RBFOX1: variants seen among roughly 807,000 people sequenced by gnomAD.
RBFOX1 encodes RNA binding fox-1 homolog 1.
Under a neutral mutation model 57.7 loss-of-function variants are expected in RBFOX1, and 8 were observed. That is an observed-to-expected ratio of 0.14 (90% CI 0.08 to 0.25). RBFOX1 has a LOEUF of 0.25. Ranked by LOEUF, RBFOX1 falls within the 10% of genes least tolerant of loss-of-function variation. The probability of loss-of-function intolerance (pLI) is 1.00; values close to 1 mark genes in which losing one functional copy is unlikely to be tolerated. For missense variants in RBFOX1, 611 were observed against 548.5 expected (o/e 1.11, Z -1.14); for synonymous variants, 326 against 222.4 (o/e 1.47, Z -4.15).
At chr16:7,584,676 A>C (rs901676800) in intron 6 of RBFOX1, among the ~76,000 whole-genome samples, 1 of 152,244 alleles carries the variant, frequency 6.6e-6, no homozygotes, top group Non-Finnish European at 1.5e-5. Context: ...ATGTTGAGCA[A>C]ACAAATGCTA....
chr16:6,242,232 A>C (rs61389090), intron 1 of RBFOX1, among the ~76,000 whole-genome samples: 23,549 of 151,976 alleles, frequency 0.15, 1,940 homozygotes, highest in Middle Eastern at 0.27. Flanking sequence ...CATTCTCTCT[A>C]TATATAAGTA....
chr16:5,871,728 G>T (rs1000458149), intron 4 of RBFOX1, among the ~76,000 whole-genome samples: 1 of 149,690 alleles, frequency 6.7e-6, no homozygotes, highest in Non-Finnish European at 1.5e-5. Flanking sequence ...GATGTTTGAG[G>T]AAAAAAAAAA....
chr16:7,532,805 T>C (rs1375843790), intron 5 of RBFOX1, among the ~76,000 whole-genome samples: 1 of 152,202 alleles, frequency 6.6e-6, no homozygotes, highest in African/African-American at 2.4e-5. Flanking sequence ...TGAGTAATTG[T>C]GACAGAGCTC....
At chr16:6,828,902 C>T (rs1290494767) in intron 3 of RBFOX1, among the ~76,000 whole-genome samples, 1 of 152,072 alleles carries the variant, frequency 6.6e-6, no homozygotes, top group African/African-American at 2.4e-5. Flanking sequence ...AGGTAGCAGC[C>T]CCAAATCCCC....
At chr16:7,545,633 A>C (rs1260062575) in intron 5 of RBFOX1, among the ~76,000 whole-genome samples, 1 of 152,126 alleles carries the variant, frequency 6.6e-6, no homozygotes, top group Non-Finnish European at 1.5e-5. Flanking sequence ...CTGACCCAGT[A>C]CGTTTAGAAT....
rs369470056 is a variant in RBFOX1 at position 6,245,250 on chromosome 16, A to T, written c.-126-71745A>T. Among the ~76,000 whole-genome samples the T allele has an allele frequency of 3.0e-4, 45 of 152,024 alleles. 1 individual carries two copies. The highest frequency in any genetic ancestry group is 1.0e-3 in the African/African-American group (42 of 41,466). ...ATATAAGCAGAAATGATGGCTTTAA[A>T]TTTTTTTTCTTATTTGCGCTTTCTT... On this transcript the variant is annotated intron_variant, in intron 1 of 15. Transcript: ENST00000550418.
At chr16:5,313,476 AT>A in intron 1 of RBFOX1, among the ~76,000 whole-genome samples, 1 of 152,276 alleles carries the variant, frequency 6.6e-6, no homozygotes, top group South Asian at 2.1e-4. Flanking sequence ...GACCTCCTTA[AT>A]CTGGGACCCA....
At chr16:5,834,687 G>GTAGTTAGA in intron 3 of RBFOX1, among the ~76,000 whole-genome samples, 1 of 134,866 alleles carries the variant, frequency 7.4e-6, no homozygotes, top group African/African-American at 3.2e-5. Context: ...AATGGGATAG[G>GTAGTTAGA]TAGATAGATA....
chr16:6,927,311 G>T (rs2075765100), intron 3 of RBFOX1, among the ~76,000 whole-genome samples: 1 of 149,916 alleles, frequency 6.7e-6, no homozygotes, highest in South Asian at 2.1e-4. Context: ...TACTTGGGAG[G>T]TTGAGGCACG....
At chr16:6,446,358 G>A (rs1302525296) in intron 2 of RBFOX1, among the ~76,000 whole-genome samples, 1 of 152,096 alleles carries the variant, frequency 6.6e-6, no homozygotes, top group Non-Finnish European at 1.5e-5. Context: ...AAAGTTTTAA[G>A]ATTCCCATTG....
chr16:7,097,013 C>G (rs1430171069), intron 4 of RBFOX1, among the ~76,000 whole-genome samples: 1 of 149,224 alleles, frequency 6.7e-6, no homozygotes, highest in Non-Finnish European at 1.5e-5. Flanking sequence ...TACCAGAAAG[C>G]GAAATGAATC....
intron 4 of RBFOX1, among the ~76,000 whole-genome samples, chr16:7,437,788 C>T (rs1393555965): frequency 1.3e-5 from 2 of 151,050 alleles, no homozygotes; most frequent in Non-Finnish European, 2.9e-5. Flanking sequence ...TTGTGGAAGG[C>T]AAACGAATAC....
intron 3 of RBFOX1, among the ~76,000 whole-genome samples, chr16:6,881,853 GA>G (rs35572776): frequency 6.6e-6 from 1 of 151,926 alleles, no homozygotes; most frequent in Non-Finnish European, 1.5e-5. Flanking sequence ...AACTGAGGCT[GA>G]AAAATCTTAA....
intron 3 of RBFOX1, among the ~76,000 whole-genome samples, chr16:6,787,993 T>TG (rs34350414): frequency 0.28 from 42,488 of 151,788 alleles, 7,485 homozygotes; most frequent in Non-Finnish European, 0.4. Context: ...GAGTCCGAGG[T>TG]GGGGGGACCG....
chr16:6,393,453 T>C (rs937351871), intron 2 of RBFOX1, among the ~76,000 whole-genome samples: 2 of 152,224 alleles, frequency 1.3e-5, no homozygotes, highest in Non-Finnish European at 2.9e-5. Context: ...GCCCAGTCCC[T>C]ATAAAAAGGG....
chr16:6,893,438 G>C (rs2065998616), intron 3 of RBFOX1, among the ~76,000 whole-genome samples: 2 of 152,114 alleles, frequency 1.3e-5, no homozygotes, highest in South Asian at 2.1e-4. Flanking sequence ...TTCATCAAAA[G>C]ATCTTTCTTT....
chr16:6,885,975 A>G (rs865846437), intron 3 of RBFOX1, among the ~76,000 whole-genome samples: 2 of 152,220 alleles, frequency 1.3e-5, no homozygotes, highest in South Asian at 2.1e-4. Flanking sequence ...AAGAATCACA[A>G]ACCACATGGA....
In RBFOX1 at chr16:6,849,886, T is replaced by G. The variant is rs541162984; in HGVS notation, c.-16+195236T>G. 1.2e-4 allele frequency among the ~76,000 whole-genome samples: 18 copies of G among 152,240 alleles called. No individual in the cohort carries two copies. The South Asian group carries it at 3.5e-3, about 30-fold the overall frequency. ...ACCCTGCCACTTAACTCTCCCTGAT[T>G]TATAATTATTTGTGTGTGTATATCT... is the stretch of plus-strand genomic sequence containing the variant. On this transcript the variant is annotated intron_variant, in intron 3 of 15. Transcript: ENST00000550418.
At chr16:7,515,399 CAA>C (rs531089003) in intron 4 of RBFOX1, among the ~76,000 whole-genome samples, 101 of 151,094 alleles carry the variant, frequency 6.7e-4, no homozygotes, top group African/African-American at 2.3e-3. Context: ...AGCATGGAAA[CAA>C]GAGTTAAAAA....
Sources: gnomAD v4.1 joint callset for allele counts (sites outside exome capture counted in the v4.1 genomes callset) on GRCh38, gnomAD v4.1.1 for gene constraint, MANE v1.5 for transcripts, NCBI Gene and HGNC (gene_info 2026-07-23, HGNC 2026-07-21) for gene names.